AUTS2: variants seen among roughly 807,000 people sequenced by gnomAD.
The protein encoded by AUTS2 is activator of transcription and developmental regulator AUTS2, also known as autism susceptibility gene 2 protein.
AUTS2 carries 17 observed loss-of-function variants against 112.4 expected under a neutral mutation model. That is an observed-to-expected ratio of 0.15 (90% CI 0.10 to 0.23). AUTS2 has a LOEUF of 0.23. AUTS2 is among the 10% of genes least tolerant of loss of function. AUTS2 has a pLI of 1.00. For missense variants in AUTS2, 1,510 were observed against 1,701.6 expected (o/e 0.89, Z 1.98); for synonymous variants, 751 against 702.7 (o/e 1.07, Z -1.09).
chr7:70,264,814 T>C (rs559988024), intron 4 of AUTS2, among the ~76,000 whole-genome samples: 12 of 152,312 alleles, frequency 7.9e-5, no homozygotes, highest in African/African-American at 2.9e-4. Context: ...GGTCTCTGCA[T>C]TGCAAATATC....
intron 4 of AUTS2, among the ~76,000 whole-genome samples, chr7:70,151,755 C>G (rs1032914255): frequency 2.6e-5 from 4 of 152,006 alleles, no homozygotes; most frequent in Non-Finnish European, 5.9e-5. Flanking sequence ...CCCTGCCCTC[C>G]CAGCACGTTT....
chr7:70,169,357 C>T (rs555177824), intron 4 of AUTS2, among the ~76,000 whole-genome samples: 4 of 152,228 alleles, frequency 2.6e-5, no homozygotes, highest in East Asian at 3.9e-4. Context: ...TCTCTTGCCT[C>T]AGCCTCCCGA....
At chr7:70,497,124 C>T (rs1262205665) in intron 5 of AUTS2, among the ~76,000 whole-genome samples, 2 of 147,978 alleles carry the variant, frequency 1.4e-5, no homozygotes, top group Non-Finnish European at 3.0e-5. Context: ...CACACATGCA[C>T]ACGTCACATC....
chr7:69,609,416 T>C (rs1174491818), intron 1 of AUTS2, among the ~76,000 whole-genome samples: 1 of 152,224 alleles, frequency 6.6e-6, no homozygotes, highest in Non-Finnish European at 1.5e-5. Flanking sequence ...GGCCTTTCTC[T>C]GTAGGTACAT....
chr7:70,172,935 A>G (rs1020804692), intron 4 of AUTS2, among the ~76,000 whole-genome samples: 1 of 152,174 alleles, frequency 6.6e-6, no homozygotes, highest in African/African-American at 2.4e-5. Context: ...TTTTGCTGCA[A>G]AGTATATGCG....
intron 5 of AUTS2, among the ~76,000 whole-genome samples, chr7:70,499,296 A>G: frequency 6.6e-6 from 1 of 152,218 alleles, no homozygotes; most frequent in East Asian, 1.9e-4. Flanking sequence ...CTTCAGAGAT[A>G]AAAGTTGACA....
chr7:70,681,555 G>A (rs898573104), intron 5 of AUTS2, among the ~76,000 whole-genome samples: 6 of 151,674 alleles, frequency 4.0e-5, no homozygotes, highest in Admixed American at 3.3e-4. Context: ...GCAAAGAAGA[G>A]TAACTTGTTC....
intron 5 of AUTS2, among the ~76,000 whole-genome samples, chr7:70,660,313 T>A (rs1659894522): frequency 6.6e-6 from 1 of 152,162 alleles, no homozygotes; most frequent in Admixed American, 6.5e-5. Context: ...GTGATGTCTT[T>A]CTCTAAACAG....
chr7:70,656,553 A>T (rs1349814406), intron 5 of AUTS2, among the ~76,000 whole-genome samples: 1 of 152,228 alleles, frequency 6.6e-6, no homozygotes, highest in Non-Finnish European at 1.5e-5. Context: ...ACTTTCATAC[A>T]TATTATTTCA....
intron 5 of AUTS2, among the ~76,000 whole-genome samples, chr7:70,645,570 C>T (rs1806113572): frequency 6.6e-6 from 1 of 152,148 alleles, no homozygotes; most frequent in South Asian, 2.1e-4. Flanking sequence ...TTTCTGGCCG[C>T]TCTGTTCTGG....
rs374792758 is a variant in AUTS2, at chr7:70,434,226, C to T, written c.661-1526C>T. 1.6e-4 allele frequency among the ~76,000 whole-genome samples: 25 copies of T among 152,276 alleles called. No individual in the cohort carries two copies. In the East Asian group the frequency reaches 3.1e-3, roughly 19 times the overall value. On this transcript the variant is annotated intron_variant, in intron 4 of 18. Coordinates refer to ENST00000342771, the MANE Select transcript of AUTS2 (RefSeq NM_015570.4). Reference sequence around the variant, plus strand: ...GGCCAAAGATGGGCCTTCAAATAAGCGATTACAATGCCCAGAGGTTTACCT... The same window carrying T: ...GGCCAAAGATGGGCCTTCAAATAAGTGATTACAATGCCCAGAGGTTTACCT...
At chr7:70,527,031 T>A (rs559140591) in intron 5 of AUTS2, among the ~76,000 whole-genome samples, 1 of 152,356 alleles carries the variant, frequency 6.6e-6, no homozygotes, top group African/African-American at 2.4e-5. Context: ...AGAGTCTGTT[T>A]CAGATCATTC....
intron 2 of AUTS2, among the ~76,000 whole-genome samples, chr7:70,056,406 C>A (rs1203646953): frequency 6.6e-6 from 1 of 152,176 alleles, no homozygotes; most frequent in Non-Finnish European, 1.5e-5. Context: ...TCATCACCTT[C>A]ACCCTGTTTA....
chr7:70,295,245 A>G (rs946786753), intron 4 of AUTS2, among the ~76,000 whole-genome samples: 6 of 152,202 alleles, frequency 3.9e-5, no homozygotes, highest in Non-Finnish European at 7.3e-5. Flanking sequence ...CTATCTGTCT[A>G]TTAAGTGGCA....
At chr7:70,148,625 G>GTT (rs1050015352) in intron 4 of AUTS2, among the ~76,000 whole-genome samples, 4 of 144,624 alleles carry the variant, frequency 2.8e-5, no homozygotes, top group African/African-American at 5.0e-5. Flanking sequence ...ACCTGGTGCA[G>GTT]TTTTTTTTTT....
rs1794885279 is a variant in AUTS2 at position 69,899,465 on chromosome 7, G to A, written c.489G>A (p.Gly163=). ...ENDRNLCQHL[G]KRKKMPKALR... The stretch of plus-strand genomic sequence containing the variant: ...ACCGCAATCTCTGCCAGCACCTTGG[G>A]AAGAGAAAGAAAATGCCGAAGGCAC... The change falls in exon 2 of 19, where the codon GGG becomes GGA. Residue 163 remains glycine (G), a synonymous_variant. Transcript: ENST00000342771. 2.5e-6 allele frequency: 4 copies of A among 1,613,848 alleles called. No individual in the cohort carries two copies. The highest frequency in any genetic ancestry group is 3.4e-6 in the Non-Finnish European group (4 of 1,179,866).
At chr7:70,005,249 G>A (rs1394851894) in intron 2 of AUTS2, among the ~76,000 whole-genome samples, 1 of 152,024 alleles carries the variant, frequency 6.6e-6, no homozygotes. Flanking sequence ...TGGGTGACCT[G>A]GTTTGGATTT....
rs773857623 is a variant in AUTS2 at position 70,790,249 on chromosome 7, G to C, written c.3033G>C (p.Ser1011=). The C allele has an allele frequency of 6.2e-7, 1 of 1,612,896 alleles. No individual in the cohort carries two copies. ...CGGAGCCGCCGCCTCCCAACTCCTCGTCCAGCGTGCACCCGGGGCCCCTGG... is the reference window on the plus strand; with the variant it reads ...CGGAGCCGCCGCCTCCCAACTCCTCCTCCAGCGTGCACCCGGGGCCCCTGG... ...RASEPPPPNS[S]SSVHPGPLAS... Residue 1011 remains serine (S), a synonymous_variant, in exon 19 of 19, where the codon TCG becomes TCC. Coordinates refer to ENST00000342771, the MANE Select transcript of AUTS2 (RefSeq NM_015570.4). This position sits in a 1 kb window ranked among gnomAD's most constrained non-coding sequence, Gnocchi z 7.6.
chr7:70,143,474 A>G (rs777401406), intron 4 of AUTS2, among the ~76,000 whole-genome samples: 4 of 152,242 alleles, frequency 2.6e-5, no homozygotes, highest in African/African-American at 4.8e-5. Flanking sequence ...AAGGATTGGC[A>G]TTATAAATCA....
Sources: allele counts gnomAD v4.1 joint callset (sites outside exome capture counted in the v4.1 genomes callset), GRCh38; gene constraint gnomAD v4.1.1; non-coding constraint Gnocchi (gnomAD v3.1); transcripts MANE v1.5; gene names NCBI Gene and HGNC (gene_info 2026-07-23, HGNC 2026-07-21).